Variants in UBOX5 observed in about 807,000 individuals in gnomAD.
The protein encoded by UBOX5 is U-box domain containing 5, also known as RING finger protein 37.
A neutral mutation model predicts 39.0 loss-of-function variants in UBOX5; 28 were observed. That is an observed-to-expected ratio of 0.72 (90% CI 0.53 to 0.98). The LOEUF (loss-of-function observed/expected upper bound fraction) is 0.98. Ranked by LOEUF, UBOX5 falls within the 50% of genes least tolerant of loss-of-function variation. The pLI, the probability that UBOX5 is intolerant of heterozygous loss-of-function variation, is 0.00. For synonymous variants in UBOX5, 283 were observed against 275.5 expected (o/e 1.03, Z -0.27); for missense variants, 585 against 674.4 (o/e 0.87, Z 1.47).
chr20:3,128,082 A>G (rs1835813744), intron 1 of UBOX5, among the ~76,000 whole-genome samples: 1 of 152,234 alleles, frequency 6.6e-6, no homozygotes, highest in Admixed American at 6.5e-5. Flanking sequence ...TATATTAACA[A>G]TGTCTCCAGG....
intron 1 of UBOX5, among the ~76,000 whole-genome samples, chr20:3,135,743 TG>T (rs1456801279): frequency 1.3e-5 from 2 of 151,540 alleles, no homozygotes; most frequent in Non-Finnish European, 2.9e-5. Flanking sequence ...ATTATTCATT[TG>T]GGGTTTTGAT....
At chr20:3,111,609 C>T (rs1180195871) in intron 4 of UBOX5, 1 of 152,658 alleles carries the variant, frequency 6.6e-6, no homozygotes, top group East Asian at 1.9e-4. Flanking sequence ...CGCTGCTGGC[C>T]TCCTCACTTT....
chr20:3,117,271 C>T (rs1172449055), intron 3 of UBOX5, among the ~76,000 whole-genome samples: 1 of 142,776 alleles, frequency 7.0e-6, no homozygotes, highest in Non-Finnish European at 1.5e-5. Context: ...TCATCAATGA[C>T]ACCTGACCAA....
intron 1 of UBOX5, chr20:3,147,103 C>A (rs778236761): frequency 6.2e-7 from 1 of 1,614,016 alleles, no homozygotes; most frequent in Non-Finnish European, 8.5e-7. Context: ...TATTCTCCAA[C>A]TCCATGGGCT....
chr20:3,148,674 A>G (rs758154400), intron 1 of UBOX5: 28 of 1,614,078 alleles, frequency 1.7e-5, no homozygotes, highest in Non-Finnish European at 5.9e-6. Flanking sequence ...GAAGTCTCAG[A>G]TGCATTATAG....
rs895115117 is a variant in UBOX5, at chr20:3,149,696, T to C, written c.-42+10070A>G. Among the ~76,000 whole-genome samples the C allele has an allele frequency of 6.6e-6, 1 of 152,160 alleles. No individual in the cohort carries two copies. Among genetic ancestry groups the C allele is most frequent in the African/African-American group, 2.4e-5 (1 of 41,438 alleles). ...ATAAAAACTGCTATGCTAACAGCAC[T>C]AAGTAAAAAGTGGGATCTGGTATAA... is the stretch of plus-strand genomic sequence containing the variant. On this transcript the variant is annotated intron_variant, in intron 1 of 4. Transcript: ENST00000217173. This position sits in a 1 kb window ranked among gnomAD's most constrained non-coding sequence, Gnocchi z 4.1.
Position 3,123,319 on chromosome 20 carries a change from C to T in UBOX5, c.47G>A (p.Cys16Tyr), listed in dbSNP as rs1157136860. Residue 16 changes from cysteine (C) to tyrosine (Y), a missense_variant, in exon 2 of 5, where the codon TGC becomes TAC. Physicochemically the swap from Cys to Tyr is radical, Grantham distance 194 (BLOSUM62 -2). Coordinates refer to ENST00000217173, the MANE Select transcript of UBOX5 (RefSeq NM_014948.4). The stretch of plus-strand genomic sequence containing the variant: ...TATATTTGTTTTGTTTACCTTGTTG[C>T]AGTGAATTCTTGGTCTGAACTGTGG... ...CLPQFRPRIH[C>Y]NKISADGYEV... 1 of 1,613,772 alleles carries T rather than the reference C, an allele frequency of 6.2e-7. No individual in the cohort carries two copies.
At chr20:3,116,510 G>C (rs1284845878) in intron 3 of UBOX5, 1 of 152,134 alleles carries the variant, frequency 6.6e-6, no homozygotes, top group African/African-American at 2.4e-5. Context: ...TCAGCTCAGG[G>C]CCTTGAAGGA....
At chr20:3,155,590 C>T (rs75692177) in intron 1 of UBOX5, among the ~76,000 whole-genome samples, 2,296 of 151,782 alleles carry the variant, frequency 0.015, 27 homozygotes, top group South Asian at 0.057. Flanking sequence ...CTCTACTGAA[C>T]TATTTGACTG....
intron 1 of UBOX5, among the ~76,000 whole-genome samples, chr20:3,138,671 T>C (rs1466927081): frequency 6.6e-6 from 1 of 152,184 alleles, no homozygotes; most frequent in East Asian, 1.9e-4. Context: ...TGGGCAAACT[T>C]GGAAGAGTTG....
intron 1 of UBOX5, among the ~76,000 whole-genome samples, chr20:3,138,909 T>G (rs857252): frequency 0.26 from 40,175 of 151,906 alleles, 6,722 homozygotes; most frequent in Non-Finnish European, 0.37. Flanking sequence ...TTGAGTCTCA[T>G]AGAGATGTAA....
chr20:3,115,271 C>A (rs770205150), intron 4 of UBOX5, 34 bp downstream of exon 4: 5 of 1,581,628 alleles, frequency 3.2e-6, no homozygotes, highest in Non-Finnish European at 4.3e-6. Flanking sequence ...CCACCCATTC[C>A]AAGGCTCCAA....
intron 1 of UBOX5, among the ~76,000 whole-genome samples, chr20:3,125,198 G>A (rs1235023928): frequency 6.7e-6 from 1 of 148,588 alleles, no homozygotes; most frequent in Non-Finnish European, 1.5e-5. Context: ...CACCATCTGA[G>A]AAGTGAGGAG....
chr20:3,151,345 A>G (rs1030355744), intron 1 of UBOX5, among the ~76,000 whole-genome samples: 2 of 152,196 alleles, frequency 1.3e-5, no homozygotes, highest in Admixed American at 6.5e-5. Context: ...CATTCATTAT[A>G]TATTGTCTAT....
intron 1 of UBOX5, among the ~76,000 whole-genome samples, chr20:3,146,300 C>T (rs1478765507): frequency 7.1e-6 from 1 of 141,496 alleles, no homozygotes; most frequent in African/African-American, 2.7e-5. Context: ...GAGATTGTGC[C>T]ACTGCATTCC....
Position 3,159,077 on chromosome 20 carries a change from CCT to C in UBOX5, c.-42+687_-42+688del, listed in dbSNP as rs142101244. ...GCTGATATGAGGGGACCCAAAGTTC[CCT>C]GAGTCAAGACAGAAGAGCTGTGTCA... On this transcript the variant is annotated intron_variant, in intron 1 of 4. Transcript: ENST00000217173. Among the ~76,000 whole-genome samples the C allele has an allele frequency of 4.0e-3, 616 of 152,234 alleles. 3 individuals are homozygous for C. The highest frequency in any genetic ancestry group is 0.014 in the African/African-American group (589 of 41,508).
chr20:3,123,255 G>A, intron 2 of UBOX5, 57 bp downstream of exon 2: 1 of 1,555,540 alleles, frequency 6.4e-7, no homozygotes, highest in South Asian at 1.1e-5. Context: ...GGCAGGAAAT[G>A]ATGAAACACA....
chr20:3,138,850 G>A (rs372436061), intron 1 of UBOX5, among the ~76,000 whole-genome samples: 4 of 152,262 alleles, frequency 2.6e-5, no homozygotes, highest in Admixed American at 2.6e-4. Context: ...TCAGCATCCA[G>A]CTTCCTTCAG....
At chr20:3,151,068 T>TG (rs2066619282) in intron 1 of UBOX5, among the ~76,000 whole-genome samples, 1 of 149,360 alleles carries the variant, frequency 6.7e-6, no homozygotes, top group Non-Finnish European at 1.5e-5. Flanking sequence ...GTGTGTGTGT[T>TG]TGTGTGTGTG....
Sources: gnomAD v4.1 joint callset for allele counts (sites outside exome capture counted in the v4.1 genomes callset) on GRCh38, gnomAD v4.1.1 for gene constraint, Gnocchi (gnomAD v3.1) non-coding constraint, MANE v1.5 for transcripts, NCBI Gene and HGNC (gene_info 2026-07-23, HGNC 2026-07-21) for gene names.